The following TMED3 variants were observed in gnomAD, a reference collection of about 807,000 sequenced individuals.
TMED3 encodes the protein transmembrane emp24 domain-containing protein 3.
TMED3 carries 9 observed loss-of-function variants against 15.0 expected under a neutral mutation model. The observed-to-expected ratio is 0.60, with a 90% CI of 0.36 to 1.04. The LOEUF (loss-of-function observed/expected upper bound fraction) is 1.04, where lower values mean the gene tolerates loss of function less well. Among genes scored for constraint, TMED3 ranks in the 50% least tolerant of loss-of-function variants. The probability of loss-of-function intolerance (pLI) is 0.01; values close to 1 mark genes in which losing one functional copy is unlikely to be tolerated. For synonymous variants in TMED3, 117 were observed against 121.4 expected (o/e 0.96, Z 0.24); for missense variants, 267 against 278.9 (o/e 0.96, Z 0.30).
intron 2 of TMED3, among the ~76,000 whole-genome samples, chr15:79,370,683 A>G (rs1298116271): frequency 6.6e-6 from 1 of 152,138 alleles, no homozygotes; most frequent in African/African-American, 2.4e-5. Context: ...TCGGTTATTA[A>G]TGGGGTAGTT....
At chr15:79,321,229 G>A (rs1460354091) in intron 2 of TMED3, among the ~76,000 whole-genome samples, 1 of 152,206 alleles carries the variant, frequency 6.6e-6, no homozygotes, top group East Asian at 1.9e-4. Flanking sequence ...AGAGGTGACA[G>A]CTCATCATAT....
intron 2 of TMED3, among the ~76,000 whole-genome samples, chr15:79,350,391 A>G (rs2058887377): frequency 6.6e-6 from 1 of 152,200 alleles, no homozygotes. Flanking sequence ...CCTCAAAAGT[A>G]GGGAAGCCAA....
At chr15:79,336,261 C>A (rs1433903179) in intron 2 of TMED3, among the ~76,000 whole-genome samples, 1 of 152,160 alleles carries the variant, frequency 6.6e-6, no homozygotes, top group African/African-American at 2.4e-5. Context: ...CCTCTCTGAA[C>A]CTCTGTGGCT....
At chr15:79,377,269 CATGTGT>C (rs1185534684) in intron 2 of TMED3, among the ~76,000 whole-genome samples, 13 of 77,412 alleles carry the variant, frequency 1.7e-4, no homozygotes, top group African/African-American at 2.9e-4. Flanking sequence ...AGAGTGTGTG[CATGTGT>C]GTGTGTGTGT....
chr15:79,362,643 T>C (rs1893153910), intron 2 of TMED3, among the ~76,000 whole-genome samples: 1 of 152,152 alleles, frequency 6.6e-6, no homozygotes, highest in Non-Finnish European at 1.5e-5. Flanking sequence ...AATTGAATCA[T>C]GGGGGCAGGT....
At chr15:79,338,211 T>C (rs1162226860) in intron 2 of TMED3, among the ~76,000 whole-genome samples, 1 of 152,162 alleles carries the variant, frequency 6.6e-6, no homozygotes, top group Non-Finnish European at 1.5e-5. Context: ...GAAATTGGGA[T>C]GGGGTACAAA....
intron 2 of TMED3, among the ~76,000 whole-genome samples, chr15:79,345,338 C>T (rs1219843844): frequency 6.6e-6 from 1 of 152,046 alleles, no homozygotes; most frequent in Non-Finnish European, 1.5e-5. Context: ...TGTGTTGTTC[C>T]CCTTTATGTG....
chr15:79,320,106 A>G (rs2058759463), intron 2 of TMED3, among the ~76,000 whole-genome samples: 1 of 152,118 alleles, frequency 6.6e-6, no homozygotes, highest in African/African-American at 2.4e-5. Context: ...TTTTTCCTTG[A>G]CACTGACGCT....
At chr15:79,373,858 G>A (rs568890854) in intron 2 of TMED3, among the ~76,000 whole-genome samples, 1 of 152,344 alleles carries the variant, frequency 6.6e-6, no homozygotes, top group South Asian at 2.1e-4. Flanking sequence ...TGGATTCAAA[G>A]ATGTCCCGAT....
intron 2 of TMED3, among the ~76,000 whole-genome samples, chr15:79,400,016 G>A (rs1015479628): frequency 6.6e-6 from 1 of 152,140 alleles, no homozygotes. Flanking sequence ...AACATCAATG[G>A]CTTTCTATTG....
chr15:79,332,227 T>G (rs1470620430), intron 2 of TMED3, among the ~76,000 whole-genome samples: 1 of 152,148 alleles, frequency 6.6e-6, no homozygotes, highest in Non-Finnish European at 1.5e-5. Context: ...ATGGAGGGAA[T>G]GATAGAGCAG....
chr15:79,380,508 T>C (rs1445822314), intron 2 of TMED3, among the ~76,000 whole-genome samples: 2 of 147,258 alleles, frequency 1.4e-5, no homozygotes, highest in Non-Finnish European at 3.0e-5. Flanking sequence ...TATAGTTATA[T>C]ATATAGTTAT....
intron 1 of TMED3, 96 bp downstream of exon 1, chr15:79,311,513 C>T: frequency 7.0e-7 from 1 of 1,422,792 alleles, no homozygotes; most frequent in Non-Finnish European, 9.4e-7. Flanking sequence ...TCGAATTAGC[C>T]ACAGGCTACA....
In TMED3 at chr15:79,405,555, C is replaced by G. The variant is rs115261250; in HGVS notation, c.418-5845C>G. On this transcript the variant is annotated intron_variant, in intron 2 of 2. Coordinates refer to the TMED3 transcript ENST00000424155. ...TACCAAACCTTAGTGGTAGAGATTGCAGGGTGCAGCAACCAATCTTACAGG... is the reference window on the plus strand; with the variant it reads ...TACCAAACCTTAGTGGTAGAGATTGGAGGGTGCAGCAACCAATCTTACAGG... Among the ~76,000 whole-genome samples, 1,461 of 152,286 alleles carry G rather than the reference C, an allele frequency of 9.6e-3. 16 individuals are homozygous for G. The highest frequency in any genetic ancestry group is 0.033 in the African/African-American group (1,388 of 41,562).
rs377763248 is a variant in TMED3, at chr15:79,321,761, TACTA to T, written c.418-213_418-210del. Among the ~76,000 whole-genome samples, 364 of 152,354 alleles carry T rather than the reference TACTA, an allele frequency of 2.4e-3. 1 individual carries two copies. The highest frequency in any genetic ancestry group is 8.3e-3 in the African/African-American group (347 of 41,598). ...GGACTCAGACTCTAACTCAGCCACA[TACTA>T]ACTGTGTGACTCTGGGCAAGTTACT... On this transcript the variant is annotated intron_variant, in intron 2 of 2. Transcript: ENST00000299705.
chr15:79,370,172 C>T (rs539332201), intron 2 of TMED3, among the ~76,000 whole-genome samples: 29 of 151,680 alleles, frequency 1.9e-4, no homozygotes, highest in Non-Finnish European at 3.7e-4. Flanking sequence ...CTCACTGCAA[C>T]CTCCACCTCC....
exon 3 of TMED3, chr15:79,413,018 A>G (rs1225833318): frequency 1.3e-5 from 2 of 152,166 alleles, no homozygotes; most frequent in African/African-American, 4.8e-5. Context: ...CTTATAACAC[A>G]AGCAAACCCT....
At chr15:79,345,542 C>G (rs528397293) in intron 2 of TMED3, among the ~76,000 whole-genome samples, 7 of 152,278 alleles carry the variant, frequency 4.6e-5, no homozygotes, top group African/African-American at 1.2e-4. Flanking sequence ...TTTATCCAGT[C>G]TATTATTGGT....
intron 2 of TMED3, among the ~76,000 whole-genome samples, chr15:79,339,840 A>G (rs28452596): frequency 1.3e-5 from 2 of 149,512 alleles, no homozygotes; most frequent in Admixed American, 1.3e-4. Flanking sequence ...GGTGGTGATG[A>G]TGGTGGTGAT....
Sources: allele counts gnomAD v4.1 joint callset (sites outside exome capture counted in the v4.1 genomes callset), GRCh38; gene constraint gnomAD v4.1.1; transcripts MANE v1.5; gene names NCBI Gene and HGNC (gene_info 2026-07-23, HGNC 2026-07-21).